The following LOC128092252 variants were observed in gnomAD, a reference collection of about 807,000 sequenced individuals.
At chr15:50,673,207 C>G in the LOC128092252 span, among the ~76,000 whole-genome samples, 1 of 152,122 alleles carries the variant, frequency 6.6e-6, no homozygotes, top group Non-Finnish European at 1.5e-5. Flanking sequence ...GAACAACTTC[C>G]AGGTCCACAA....
At chr15:50,683,585 T>G in the LOC128092252 span, among the ~76,000 whole-genome samples, 3 of 151,820 alleles carry the variant, frequency 2.0e-5, no homozygotes, top group Non-Finnish European at 4.4e-5. Context: ...AATACAAAAA[T>G]TAGCCGGGTG....
the LOC128092252 span, among the ~76,000 whole-genome samples, chr15:50,672,817 G>A: frequency 6.9e-6 from 1 of 144,204 alleles, no homozygotes; most frequent in Non-Finnish European, 1.5e-5. Context: ...GGCTGAGGCA[G>A]GAGAATCGCT....
the LOC128092252 span, among the ~76,000 whole-genome samples, chr15:50,659,052 G>C: frequency 6.6e-6 from 1 of 152,114 alleles, no homozygotes; most frequent in Non-Finnish European, 1.5e-5. Context: ...CAAAAAATTA[G>C]CCAGATGTGG....
the LOC128092252 span, among the ~76,000 whole-genome samples, chr15:50,685,855 A>C: frequency 7.9e-4 from 121 of 152,252 alleles, 1 homozygote; most frequent in African/African-American, 2.8e-3. Context: ...CGGTAGTTCG[A>C]CTTAAATCCT....
the LOC128092252 span, among the ~76,000 whole-genome samples, chr15:50,656,433 T>C: frequency 6.6e-6 from 1 of 151,950 alleles, no homozygotes; most frequent in Non-Finnish European, 1.5e-5. Flanking sequence ...TGTTCCTGCT[T>C]CAGCCTCTTA....
chr15:50,680,442 A>G, the LOC128092252 span, among the ~76,000 whole-genome samples: 7 of 149,862 alleles, frequency 4.7e-5, no homozygotes, highest in East Asian at 1.4e-3. Flanking sequence ...TGGTGGCGCA[A>G]CCTGTAACCT....
At chr15:50,678,085 C>A in the LOC128092252 span, among the ~76,000 whole-genome samples, 19 of 150,084 alleles carry the variant, frequency 1.3e-4, no homozygotes, top group Non-Finnish European at 2.2e-4. Flanking sequence ...TAAAAAAATA[C>A]AAAAAATCAG....
At chr15:50,678,518 ATATAT>A in the LOC128092252 span, among the ~76,000 whole-genome samples, 15,645 of 117,986 alleles carry the variant, frequency 0.13, 1,003 homozygotes, top group Middle Eastern at 0.19. Context: ...AAAAAAAAAA[ATATAT>A]ATATATATAT....
the LOC128092252 span, among the ~76,000 whole-genome samples, chr15:50,685,804 C>T: frequency 0.58 from 88,567 of 152,008 alleles, 26,104 homozygotes; most frequent in African/African-American, 0.66. Context: ...CCGCACCTTT[C>T]GGTTTAAAAC....
At chr15:50,656,374 A>T in the LOC128092252 span, among the ~76,000 whole-genome samples, 1 of 151,900 alleles carries the variant, frequency 6.6e-6, no homozygotes, top group Admixed American at 6.6e-5. Context: ...ATCAGGGCTT[A>T]TTGCAGCCTC....
the LOC128092252 span, among the ~76,000 whole-genome samples, chr15:50,659,070 C>T: frequency 3.9e-5 from 6 of 152,018 alleles, no homozygotes; most frequent in African/African-American, 9.6e-5. Flanking sequence ...TGGTGGCACA[C>T]GCCTGTAATT....
chr15:50,648,899 G>A, the LOC128092252 span: 13 of 1,587,948 alleles, frequency 8.2e-6, no homozygotes, highest in East Asian at 2.5e-4. Context: ...AAAGAAAAAG[G>A]TGAGATTAAA....
At chr15:50,667,136 G>A in the LOC128092252 span, among the ~76,000 whole-genome samples, 1 of 152,036 alleles carries the variant, frequency 6.6e-6, no homozygotes, top group African/African-American at 2.4e-5. Context: ...CCGACTCTGG[G>A]GGTGTCTAAT....
chr15:50,673,634 G>GTATATATATATATA, the LOC128092252 span, among the ~76,000 whole-genome samples: 1 of 150,316 alleles, frequency 6.7e-6, no homozygotes, highest in African/African-American at 2.4e-5. Flanking sequence ...GTATTCCCTC[G>GTATATATATATATA]TATATATATA....
the LOC128092252 span, among the ~76,000 whole-genome samples, chr15:50,653,417 T>C: frequency 6.6e-6 from 1 of 152,236 alleles, no homozygotes; most frequent in African/African-American, 2.4e-5. Flanking sequence ...AGAGTACCAC[T>C]ACATGCTAAG....
chr15:50,671,740 T>C, the LOC128092252 span, among the ~76,000 whole-genome samples: 2 of 151,700 alleles, frequency 1.3e-5, no homozygotes, highest in Non-Finnish European at 2.9e-5. Context: ...AGCCCAGGAG[T>C]TTGAGGTTAA....
chr15:50,657,924 GTTTAA>G, the LOC128092252 span: 1 of 774,216 alleles, frequency 1.3e-6, no homozygotes, highest in Non-Finnish European at 2.1e-6. Context: ...TATATACCTA[GTTTAA>G]TTTTTCAGTA....
At chr15:50,677,950 T>A in the LOC128092252 span, among the ~76,000 whole-genome samples, 12 of 150,478 alleles carry the variant, frequency 8.0e-5, no homozygotes, top group Admixed American at 3.3e-4. Flanking sequence ...ACTAAAGACC[T>A]AGAAATTGGC....
At chr15:50,667,383 T>C in the LOC128092252 span, among the ~76,000 whole-genome samples, 2 of 152,316 alleles carry the variant, frequency 1.3e-5, no homozygotes, top group South Asian at 2.1e-4. Context: ...GTGTATGATA[T>C]GAAAGAGCTT....
Sources: allele counts gnomAD v4.1 joint callset (sites outside exome capture counted in the v4.1 genomes callset), GRCh38; gene constraint gnomAD v4.1.1; transcripts MANE v1.5.